Variants in PIBF1 observed in about 807,000 individuals in gnomAD.
PIBF1 encodes progesterone immunomodulatory binding factor 1.
A neutral mutation model predicts 112.5 loss-of-function variants in PIBF1; 90 were observed. The observed-to-expected ratio is 0.80, with a 90% CI of 0.67 to 0.95. The LOEUF (loss-of-function observed/expected upper bound fraction) is 0.95, where lower values mean the gene tolerates loss of function less well. PIBF1 is among the 40% of genes least tolerant of loss of function. The pLI, the probability that PIBF1 is intolerant of heterozygous loss-of-function variation, is 0.00. For missense variants in PIBF1, 915 were observed against 852.3 expected (o/e 1.07, Z -0.92); for synonymous variants, 301 against 288.6 (o/e 1.04, Z -0.44).
intron 9 of PIBF1, among the ~76,000 whole-genome samples, chr13:72,846,370 A>G (rs2037881623): frequency 6.6e-6 from 1 of 152,042 alleles, no homozygotes; most frequent in African/African-American, 2.4e-5. Context: ...TCAAGTCACC[A>G]TTATCTCTTG....
chr13:72,934,819 T>C (rs2041815901), intron 14 of PIBF1, among the ~76,000 whole-genome samples: 3 of 152,192 alleles, frequency 2.0e-5, no homozygotes. Flanking sequence ...TATGAAACTA[T>C]CACCAAAATG....
intron 14 of PIBF1, among the ~76,000 whole-genome samples, chr13:72,962,797 G>C (rs2042640632): frequency 6.6e-6 from 1 of 152,068 alleles, no homozygotes; most frequent in African/African-American, 2.4e-5. Flanking sequence ...AATTCATATG[G>C]AATTTCAAGG....
At chr13:72,986,937 T>C (rs4569140) in intron 16 of PIBF1, among the ~76,000 whole-genome samples, 117,088 of 151,270 alleles carry the variant, frequency 0.77, 45,600 homozygotes, top group South Asian at 0.85. Context: ...CTGATCCACC[T>C]GCCTCGGCCT....
intron 16 of PIBF1, among the ~76,000 whole-genome samples, chr13:72,991,680 G>A (rs971495084): frequency 6.6e-6 from 1 of 151,674 alleles, no homozygotes; most frequent in Non-Finnish European, 1.5e-5. Flanking sequence ...CTTGAGCCTA[G>A]GAATTCAAGA....
At chr13:73,011,486 TC>T (rs1411762531) in intron 17 of PIBF1, among the ~76,000 whole-genome samples, 2 of 152,144 alleles carry the variant, frequency 1.3e-5, no homozygotes, top group African/African-American at 4.8e-5. Flanking sequence ...CAACAAGGTC[TC>T]CCTTCAGGAG....
chr13:72,975,772 T>C (rs1244845293), intron 16 of PIBF1, among the ~76,000 whole-genome samples: 2 of 152,240 alleles, frequency 1.3e-5, no homozygotes, highest in Non-Finnish European at 2.9e-5. Context: ...CTGTCACTTA[T>C]GTCCTAGGAT....
intron 5 of PIBF1, among the ~76,000 whole-genome samples, chr13:72,809,715 G>A (rs1238439555): frequency 2.7e-5 from 4 of 148,762 alleles, no homozygotes; most frequent in South Asian, 2.2e-4. Flanking sequence ...TCAGCCTCCC[G>A]AGTAGCCGGG....
At chr13:72,999,942 G>A (rs1374820832) in intron 17 of PIBF1, among the ~76,000 whole-genome samples, 4 of 152,292 alleles carry the variant, frequency 2.6e-5, no homozygotes, top group Non-Finnish European at 5.9e-5. Flanking sequence ...GGTGGCACAC[G>A]CCTGTAGTCC....
At chr13:72,903,906 G>A (rs115330820) in intron 11 of PIBF1, among the ~76,000 whole-genome samples, 2,282 of 152,248 alleles carry the variant, frequency 0.015, 62 homozygotes, top group African/African-American at 0.052. Flanking sequence ...AATAATAATA[G>A]CAACTGTTTC....
At chr13:72,813,415 A>G (rs944131691) in intron 5 of PIBF1, among the ~76,000 whole-genome samples, 1 of 152,190 alleles carries the variant, frequency 6.6e-6, no homozygotes, top group African/African-American at 2.4e-5. Context: ...GCTGCATAAC[A>G]AATCACCCTA....
intron 5 of PIBF1, among the ~76,000 whole-genome samples, chr13:72,814,334 G>A (rs906439012): frequency 2.6e-5 from 4 of 151,556 alleles, no homozygotes; most frequent in Admixed American, 6.6e-5. Flanking sequence ...TACTCAGGAG[G>A]CTGAGGCAGT....
At chr13:72,790,888 C>T (rs1566272584) in intron 2 of PIBF1, among the ~76,000 whole-genome samples, 1 of 152,110 alleles carries the variant, frequency 6.6e-6, no homozygotes, top group African/African-American at 2.4e-5. Context: ...TGAAGACCAA[C>T]AGAGAAATGG....
chr13:73,013,748 A>G (rs868535755), intron 17 of PIBF1, among the ~76,000 whole-genome samples: 127 of 136,548 alleles, frequency 9.3e-4, no homozygotes, highest in African/African-American at 2.6e-3. Flanking sequence ...AAAAAAAAAA[A>G]AAAAAGAAAA....
chr13:72,815,438 A>G (rs2036221599), intron 5 of PIBF1, among the ~76,000 whole-genome samples: 1 of 152,244 alleles, frequency 6.6e-6, no homozygotes, highest in African/African-American at 2.4e-5. Flanking sequence ...CTAGCAAGAA[A>G]AGAAATTGAT....
rs1206508420 is a variant in PIBF1 at position 72,827,062 on chromosome 13, A to G, written c.859A>G (p.Ile287Val). ...AATTGAGCTTAGGAGAAAACATGAA[A>G]TACTTGAAGCCTCTCACATGATTCA... ...EVIELRRKHE[I>V]LEASHMIQTK... Residue 287 changes from isoleucine (I) to valine (V), a missense_variant, in exon 7 of 18, where the codon ATA becomes GTA. By Grantham distance (29) the Ile-to-Val change is conservative. Coordinates refer to ENST00000326291, the MANE Select transcript of PIBF1 (RefSeq NM_006346.4). 3.1e-6 allele frequency: 5 copies of G among 1,606,866 alleles called. No homozygotes were observed. The highest frequency in any genetic ancestry group is 1.1e-5 in the South Asian group (1 of 89,724).
intron 9 of PIBF1, among the ~76,000 whole-genome samples, chr13:72,841,026 A>G (rs770259673): frequency 4.6e-5 from 7 of 152,206 alleles, no homozygotes; most frequent in Non-Finnish European, 1.0e-4. Flanking sequence ...AAGTTAAAGT[A>G]TTGAGAGAAA....
intron 5 of PIBF1, among the ~76,000 whole-genome samples, chr13:72,818,052 A>G (rs1886659): frequency 0.34 from 47,336 of 137,424 alleles, 8,954 homozygotes; most frequent in African/African-American, 0.55. Flanking sequence ...TATTTAAAGG[A>G]AATTTATAAA....
At chr13:72,951,586 G>A (rs952487237) in intron 14 of PIBF1, among the ~76,000 whole-genome samples, 6 of 152,214 alleles carry the variant, frequency 3.9e-5, no homozygotes, top group African/African-American at 7.2e-5. Flanking sequence ...GGCTACGTAC[G>A]GTATGATTCC....
At chr13:73,006,354 C>T (rs1027505029) in intron 17 of PIBF1, among the ~76,000 whole-genome samples, 1 of 151,988 alleles carries the variant, frequency 6.6e-6, no homozygotes, top group East Asian at 1.9e-4. Flanking sequence ...TAATTGTAAC[C>T]TCTTCCTGAT....
Sources: gnomAD v4.1 joint callset for allele counts (sites outside exome capture counted in the v4.1 genomes callset) on GRCh38, gnomAD v4.1.1 for gene constraint, MANE v1.5 for transcripts, NCBI Gene and HGNC (gene_info 2026-07-23, HGNC 2026-07-21) for gene names.